GABRA4: variants seen among roughly 807,000 people sequenced by gnomAD.
The protein encoded by GABRA4 is gamma-aminobutyric acid type A receptor subunit alpha4, also known as gamma-aminobutyric acid receptor subunit alpha-4.
Under a neutral mutation model 49.7 loss-of-function variants are expected in GABRA4, and 12 were observed. The observed-to-expected ratio is 0.24, with a 90% CI of 0.15 to 0.39. GABRA4 has a LOEUF of 0.39. Among genes scored for constraint, GABRA4 ranks in the 10% least tolerant of loss-of-function variants. The pLI is 1.00. For synonymous variants in GABRA4, 288 were observed against 240.2 expected (o/e 1.20, Z -1.84); for missense variants, 506 against 686.0 (o/e 0.74, Z 2.93).
At chr4:46,983,019 C>T (rs1260462346) in intron 2 of GABRA4, among the ~76,000 whole-genome samples, 1 of 151,964 alleles carries the variant, frequency 6.6e-6, no homozygotes, top group Admixed American at 6.6e-5. Flanking sequence ...TAGGTTCTTC[C>T]CATATACTAT....
chr4:46,949,473 A>C (rs1722090063), intron 8 of GABRA4, among the ~76,000 whole-genome samples: 1 of 152,108 alleles, frequency 6.6e-6, no homozygotes. Flanking sequence ...GGCCACAAGG[A>C]CAATAGTCAT....
chr4:46,992,167 T>C (rs1443686874), intron 2 of GABRA4, among the ~76,000 whole-genome samples: 1 of 152,172 alleles, frequency 6.6e-6, no homozygotes, highest in African/African-American at 2.4e-5. Context: ...ACAGCAACAG[T>C]GCTGTTAATG....
chr4:46,977,358 GAAAGAAAGA>G, intron 4 of GABRA4, 43 bp downstream of exon 4: 1 of 1,029,804 alleles, frequency 9.7e-7, no homozygotes. Flanking sequence ...GAAAGGAAAG[GAAAGAAAGA>G]AAAGAATAAA....
chr4:46,954,826 C>T (rs540234353), intron 8 of GABRA4, among the ~76,000 whole-genome samples: 126 of 152,196 alleles, frequency 8.3e-4, no homozygotes, highest in African/African-American at 2.8e-3. Context: ...CTGAAACCAT[C>T]CAGCTTTCTG....
intron 2 of GABRA4, among the ~76,000 whole-genome samples, chr4:46,980,809 G>A (rs10517174): frequency 0.11 from 16,175 of 152,072 alleles, 944 homozygotes; most frequent in South Asian, 0.19. Context: ...TTTCACTCAA[G>A]TAGGTTCAAC....
chr4:46,946,078 AC>A (rs1473635991), intron 8 of GABRA4, among the ~76,000 whole-genome samples: 29 of 152,164 alleles, frequency 1.9e-4, no homozygotes, highest in Non-Finnish European at 1.5e-5. Flanking sequence ...GAAAACAACA[AC>A]AAAAAATTTC....
rs1342704710 is a variant in GABRA4 at position 46,919,272 on chromosome 4, G to A, written c.*8953C>T. The A allele has an allele frequency of 6.6e-6, 1 of 151,424 alleles. No homozygotes were observed. The highest frequency in any genetic ancestry group is 1.5e-5 in the Non-Finnish European group (1 of 67,518). 9.4% of individuals were successfully genotyped at this position (151,424 alleles called of 1,614,324 possible). ...ACTTTAAAATAGTAAACCAATATTT[G>A]ATAATGCTCCTTTTTTTCAAAATAA... On this transcript the variant is annotated 3_prime_UTR_variant, in exon 9 of 9. Coordinates refer to ENST00000264318, the MANE Select transcript of GABRA4 (RefSeq NM_000809.4).
intron 8 of GABRA4, among the ~76,000 whole-genome samples, chr4:46,933,407 G>T (rs1458101491): frequency 3.9e-5 from 6 of 152,030 alleles, no homozygotes; most frequent in Non-Finnish European, 5.9e-5. Flanking sequence ...AAGTTATCTT[G>T]ACTCAATCCC....
At chr4:46,958,433 T>C (rs1014383797) in intron 8 of GABRA4, among the ~76,000 whole-genome samples, 3 of 151,974 alleles carry the variant, frequency 2.0e-5, no homozygotes, top group African/African-American at 7.2e-5. Flanking sequence ...TTTTTAAAAA[T>C]ATCATTTCAT....
chr4:46,971,833 T>C (rs887492837), intron 6 of GABRA4, among the ~76,000 whole-genome samples: 1 of 150,584 alleles, frequency 6.6e-6, no homozygotes, highest in Non-Finnish European at 1.5e-5. Context: ...TGAAGAAAAA[T>C]ATAGACGTGT....
In GABRA4 at chr4:46,971,098, C is replaced by A. The variant is rs767962348; in HGVS notation, c.859G>T (p.Ala287Ser). ...SFWINKESVPARTVFGITTVL... is the reference protein window; with the variant it reads ...SFWINKESVPSRTVFGITTVL... ...TTGCAATTACCAAATACAGTCCTAG[C>A]GGGAACTGATTCTTTATTTATCCAA... The change falls in exon 7 of 9, where the codon GCT becomes TCT. Residue 287 changes from alanine to serine, a missense_variant. Ala to Ser is a moderately conservative substitution (Grantham distance 99). This residue lies in a region of GABRA4 where 33 missense variants were observed against 102.5 expected (regional missense o/e 0.32). Coordinates refer to ENST00000264318, the MANE Select transcript of GABRA4 (RefSeq NM_000809.4). 7.5e-6 allele frequency: 12 copies of A among 1,608,734 alleles called. No homozygotes were observed. The highest frequency in any genetic ancestry group is 1.0e-5 in the Non-Finnish European group (12 of 1,176,740).
rs946150222 is a variant in GABRA4, at chr4:46,926,186, A to G, written c.*2039T>C. 4 of 151,952 alleles carry G rather than the reference A, an allele frequency of 2.6e-5. No homozygotes were observed. Among genetic ancestry groups the G allele is most frequent in the Non-Finnish European group, 5.9e-5 (4 of 67,894 alleles). The allele number at this position is 151,952 out of a possible 1,614,324, so 9.4% of individuals were successfully genotyped here. ...ACAAAGTACGCTCTGAATAACTAGT[A>G]GCGAATGAATTGTGCTTCCAACCAT... On this transcript the variant is annotated 3_prime_UTR_variant, in exon 9 of 9. Coordinates refer to ENST00000264318, the MANE Select transcript of GABRA4 (RefSeq NM_000809.4).
At chr4:46,969,269 T>C (rs1722868871) in intron 7 of GABRA4, among the ~76,000 whole-genome samples, 1 of 151,576 alleles carries the variant, frequency 6.6e-6, no homozygotes, top group Non-Finnish European at 1.5e-5. Context: ...TAAAAAAATG[T>C]ATACATGAGT....
intron 8 of GABRA4, among the ~76,000 whole-genome samples, chr4:46,942,147 G>A (rs908353580): frequency 6.6e-5 from 10 of 151,902 alleles, no homozygotes; most frequent in Non-Finnish European, 1.5e-5. Flanking sequence ...TATGTTCCAG[G>A]CATTCTTCTT....
At chr4:46,966,837 C>T (rs1439108854) in intron 7 of GABRA4, among the ~76,000 whole-genome samples, 2 of 151,660 alleles carry the variant, frequency 1.3e-5, no homozygotes, top group South Asian at 2.1e-4. Flanking sequence ...TATTTTGTGA[C>T]ATTGTTAGCA....
intron 6 of GABRA4, among the ~76,000 whole-genome samples, chr4:46,973,611 G>A (rs961589936): frequency 6.6e-6 from 1 of 151,586 alleles, no homozygotes; most frequent in South Asian, 2.1e-4. Flanking sequence ...TGTATGTAAG[G>A]AACAGTCTTA....
rs112877219 is a variant in GABRA4, at chr4:46,959,834, A to G, written c.1134+5136T>C. On this transcript the variant is annotated intron_variant, in intron 8 of 8. Transcript: ENST00000264318. ...AAAAATTATGTATATATATATATAT[A>G]TGTGTGTGTGTGTGTGTATGTGTGT... 4.2e-3 allele frequency among the ~76,000 whole-genome samples: 595 copies of G among 140,282 alleles called. 1 individual carries two copies. The highest frequency in any genetic ancestry group is 6.3e-3 in the Non-Finnish European group (413 of 65,686). The allele number at this position is 140,282 out of a possible 152,430, so 92.0% of individuals were successfully genotyped here.
chr4:46,957,265 C>A (rs9291300), intron 8 of GABRA4, among the ~76,000 whole-genome samples: 21,293 of 98,690 alleles, frequency 0.22, 1,574 homozygotes, highest in South Asian at 0.39. Context: ...TACAGTTTGA[C>A]TTTGAAGGAT....
intron 3 of GABRA4, 47 bp from the exon 4 acceptor site, chr4:46,977,677 A>C (rs1375062639): frequency 1.6e-6 from 2 of 1,288,008 alleles, no homozygotes; most frequent in African/African-American, 3.0e-5. Flanking sequence ...ATGACTACAC[A>C]TAAGTATGTG....
Sources: gnomAD v4.1 joint callset for allele counts (sites outside exome capture counted in the v4.1 genomes callset) on GRCh38, gnomAD v4.1.1 for gene constraint, gnomAD v4.1.1 regional missense constraint, MANE v1.5 for transcripts, NCBI Gene and HGNC (gene_info 2026-07-23, HGNC 2026-07-21) for gene names.